The following QTMAN variants were observed in gnomAD, a reference collection of about 807,000 sequenced individuals.
QTMAN encodes the protein queuosine-tRNA mannosyltransferase.
At chr2:144,230,660 G>A in the QTMAN span, among the ~76,000 whole-genome samples, 10 of 152,238 alleles carry the variant, frequency 6.6e-5, no homozygotes, top group East Asian at 1.7e-3. Flanking sequence ...ACCCATTGTT[G>A]CCTGGTGAAG....
At chr2:144,100,277 C>G in the QTMAN span, among the ~76,000 whole-genome samples, 1 of 152,168 alleles carries the variant, frequency 6.6e-6, no homozygotes, top group Non-Finnish European at 1.5e-5. Flanking sequence ...TGTTTCAAAG[C>G]ATTTAACCTT....
At chr2:144,305,995 TAGAG>T in the QTMAN span, among the ~76,000 whole-genome samples, 10 of 152,354 alleles carry the variant, frequency 6.6e-5, no homozygotes, top group African/African-American at 2.2e-4. Context: ...CATCTACAAA[TAGAG>T]ATAGTTTTAC....
the QTMAN span, among the ~76,000 whole-genome samples, chr2:144,223,338 G>A: frequency 0.022 from 3,391 of 152,090 alleles, 52 homozygotes; most frequent in Middle Eastern, 0.041. Context: ...CTATTTAGAT[G>A]GGTATGAAGA....
the QTMAN span, among the ~76,000 whole-genome samples, chr2:144,156,591 G>T: frequency 6.6e-6 from 1 of 151,612 alleles, no homozygotes; most frequent in African/African-American, 2.4e-5. Context: ...ATCACAGAGG[G>T]GAAACATTTA....
chr2:144,322,326 A>C, the QTMAN span, among the ~76,000 whole-genome samples: 1 of 152,362 alleles, frequency 6.6e-6, no homozygotes, highest in South Asian at 2.1e-4. Context: ...TCACCGTATT[A>C]GAAATTAAAT....
chr2:144,258,563 T>C, the QTMAN span, among the ~76,000 whole-genome samples: 2 of 152,212 alleles, frequency 1.3e-5, no homozygotes, highest in Admixed American at 6.5e-5. Context: ...TCCAGTTATG[T>C]GATACCCAGC....
chr2:144,053,758 T>G, the QTMAN span, among the ~76,000 whole-genome samples: 12 of 152,184 alleles, frequency 7.9e-5, no homozygotes, highest in Admixed American at 7.9e-4. Flanking sequence ...CAAGGCCAGA[T>G]TGAGGGTCTA....
At chr2:144,141,769 T>C in the QTMAN span, 1 of 728,266 alleles carries the variant, frequency 1.4e-6, no homozygotes, top group Non-Finnish European at 2.3e-6. Flanking sequence ...CTTAATTCTC[T>C]AACTAACCAT....
chr2:144,021,907 A>G, the QTMAN span, among the ~76,000 whole-genome samples: 5 of 152,302 alleles, frequency 3.3e-5, no homozygotes, highest in Admixed American at 3.3e-4. Context: ...GAGAGCTAAC[A>G]CAATCATTTC....
chr2:144,152,548 A>T, the QTMAN span, among the ~76,000 whole-genome samples: 3 of 151,494 alleles, frequency 2.0e-5, no homozygotes, highest in African/African-American at 7.4e-5. Context: ...CTACTATTTT[A>T]AAAAATCTAT....
At chr2:143,973,518 C>T in the QTMAN span, among the ~76,000 whole-genome samples, 8 of 152,004 alleles carry the variant, frequency 5.3e-5, no homozygotes, top group African/African-American at 9.6e-5. Flanking sequence ...TGGCCGGGCG[C>T]GGTGGCTCAC....
chr2:144,025,824 G>C, the QTMAN span, among the ~76,000 whole-genome samples: 2 of 152,170 alleles, frequency 1.3e-5, no homozygotes, highest in Non-Finnish European at 2.9e-5. Context: ...CCTCCTCCCA[G>C]TCCAGTCCCT....
At chr2:144,184,026 A>G in the QTMAN span, among the ~76,000 whole-genome samples, 1 of 152,240 alleles carries the variant, frequency 6.6e-6, no homozygotes, top group Non-Finnish European at 1.5e-5. Flanking sequence ...GGCTGACCAC[A>G]TGAAAGGAGA....
the QTMAN span, among the ~76,000 whole-genome samples, chr2:144,142,987 G>T: frequency 6.6e-6 from 1 of 151,838 alleles, no homozygotes; most frequent in East Asian, 1.9e-4. Flanking sequence ...ATTCTCTCAC[G>T]ATGCTAGGCA....
the QTMAN span, among the ~76,000 whole-genome samples, chr2:143,994,010 G>A: frequency 4.6e-5 from 7 of 152,074 alleles, no homozygotes; most frequent in African/African-American, 1.7e-4. Flanking sequence ...GCTCCTAAAG[G>A]TTATACATTT....
chr2:144,287,332 G>A, the QTMAN span, among the ~76,000 whole-genome samples: 1 of 152,018 alleles, frequency 6.6e-6, no homozygotes, highest in Admixed American at 6.6e-5. Context: ...CTACTGGGGA[G>A]GCTGAGGCAG....
the QTMAN span, among the ~76,000 whole-genome samples, chr2:144,044,651 T>TG: frequency 6.6e-6 from 1 of 152,212 alleles, no homozygotes; most frequent in Non-Finnish European, 1.5e-5. Context: ...AATCTAAGTA[T>TG]GTAAAGTAAT....
At chr2:144,242,204 T>C in the QTMAN span, among the ~76,000 whole-genome samples, 7 of 152,118 alleles carry the variant, frequency 4.6e-5, no homozygotes, top group African/African-American at 1.7e-4. Flanking sequence ...AAGTATAAAA[T>C]GTTTTTTCAC....
the QTMAN span, among the ~76,000 whole-genome samples, chr2:144,307,159 T>TAAAA: frequency 4.0e-4 from 16 of 40,460 alleles, no homozygotes; most frequent in African/African-American, 1.8e-3. Context: ...GACTCCGTCT[T>TAAAA]AAAAAAAAAA....
Sources: gnomAD v4.1 joint callset for allele counts (sites outside exome capture counted in the v4.1 genomes callset) on GRCh38, gnomAD v4.1.1 for gene constraint, MANE v1.5 for transcripts, NCBI Gene and HGNC (gene_info 2026-07-23, HGNC 2026-07-21) for gene names.